GTF3C5: variants seen among roughly 807,000 people sequenced by gnomAD.
GTF3C5 encodes the protein general transcription factor 3C polypeptide 5.
GTF3C5 carries 47 observed loss-of-function variants against 61.0 expected under a neutral mutation model. The observed-to-expected ratio is 0.77, with a 90% CI of 0.61 to 0.98. GTF3C5 has a LOEUF of 0.98. GTF3C5 is among the 50% of genes least tolerant of loss of function. The pLI, the probability that GTF3C5 is intolerant of heterozygous loss-of-function variation, is 0.00. For missense variants in GTF3C5, 659 were observed against 703.3 expected (o/e 0.94, Z 0.71); for synonymous variants, 295 against 275.4 (o/e 1.07, Z -0.71).
At position 133,056,850 on chromosome 9, in the gene GTF3C5, C is replaced by G. The variant is rs779172567; in HGVS notation, c.1335C>G (p.Asp445Glu). The change falls in exon 10 of 11, where the codon GAC (aspartate) becomes GAG (glutamate). Residue 445 changes from aspartate to glutamate, a missense_variant. By Grantham distance (45) the Asp-to-Glu change is conservative. Coordinates refer to ENST00000372097, the MANE Select transcript of GTF3C5 (RefSeq NM_012087.4). ...RDGWCLPKTS[D>E]ELRDTMSLMI... Reference sequence around the variant, plus strand: ...GGTGGTGCCTCCCCAAGACCAGCGACGAGCTCAGGGACACCATGTCCCTCA... The same window carrying G: ...GGTGGTGCCTCCCCAAGACCAGCGAGGAGCTCAGGGACACCATGTCCCTCA... 10 of 1,612,106 alleles carry G rather than the reference C, an allele frequency of 6.2e-6. No individual in the cohort carries two copies. Among genetic ancestry groups the G allele is most frequent in the Admixed American group, 5.0e-5 (3 of 59,774 alleles).
intron 3 of GTF3C5, among the ~76,000 whole-genome samples, chr9:133,045,843 GC>G (rs1850186090): frequency 6.6e-6 from 1 of 152,004 alleles, no homozygotes; most frequent in African/African-American, 2.4e-5. Context: ...CACCATATTG[GC>G]CAGGCTGGTC....
intron 1 of GTF3C5, among the ~76,000 whole-genome samples, chr9:133,031,654 G>T (rs1457557623): frequency 6.6e-6 from 1 of 152,214 alleles, no homozygotes; most frequent in Non-Finnish European, 1.5e-5. Context: ...TCTATAGAAG[G>T]GTGCATCTTG....
chr9:133,035,245 C>T (rs1265514388), intron 1 of GTF3C5, among the ~76,000 whole-genome samples: 6 of 152,146 alleles, frequency 3.9e-5, no homozygotes, highest in Non-Finnish European at 7.3e-5. Context: ...GGAATAGGTT[C>T]CCTCCAGTGC....
intron 8 of GTF3C5, chr9:133,055,779 A>C: frequency 7.4e-7 from 1 of 1,356,810 alleles, no homozygotes; most frequent in Non-Finnish European, 9.5e-7. Context: ...CACCGTTTCC[A>C]GTGGCCCCAG....
At chr9:133,056,731 G>T in intron 9 of GTF3C5, 35 bp from the exon 10 acceptor site, 1 of 1,555,818 alleles carries the variant, frequency 6.4e-7, no homozygotes, top group Non-Finnish European at 8.7e-7. Flanking sequence ...GACCCGCCCT[G>T]GGACTTTATG....
chr9:133,056,455 C>A (rs1829942466), intron 9 of GTF3C5, among the ~76,000 whole-genome samples: 1 of 152,220 alleles, frequency 6.6e-6, no homozygotes, highest in African/African-American at 2.4e-5. Flanking sequence ...GGAAAGGGCA[C>A]TCACTGGGAT....
chr9:133,030,716 A>T, upstream of GTF3C5: 1 of 526,138 alleles, frequency 1.9e-6, no homozygotes, highest in Non-Finnish European at 3.5e-6. Flanking sequence ...GTGTCTTATT[A>T]TCCTCCGGGT....
In GTF3C5 at chr9:133,050,968, A is replaced by T. The variant is rs780363147; in HGVS notation, c.758A>T (p.Glu253Val). 5 of 1,606,990 alleles carry T rather than the reference A, an allele frequency of 3.1e-6. No individual in the cohort carries two copies. The Admixed American group carries it at 5.1e-5, about 16-fold the overall frequency. ...CCCGTGGACCGGAAGGTGGAGGAGG[A>T]GCTGAGGAAGGCAAGTCCTGCGCTG... ...TNPVDRKVEE[E>V]LRKLFDIRPI... Residue 253 changes from glutamate (E) to valine (V), a missense_variant, in exon 4 of 11, where the codon GAG becomes GTG. Coordinates refer to ENST00000372097, the MANE Select transcript of GTF3C5 (RefSeq NM_012087.4).
At chr9:133,054,044 A>G (rs1298922293) in intron 6 of GTF3C5, 102 bp downstream of exon 6, 3 of 839,414 alleles carry the variant, frequency 3.6e-6, no homozygotes, top group African/African-American at 3.4e-5. Flanking sequence ...TGGAAAGAAT[A>G]AAAAAACCTT....
chr9:133,036,886 T>C lies in GTF3C5; in HGVS notation c.154-5201T>C, dbSNP rs1220314552. 4.7e-4 allele frequency among the ~76,000 whole-genome samples: 71 copies of C among 152,188 alleles called. 1 individual carries two copies. The highest frequency in any genetic ancestry group is 4.6e-3 in the Admixed American group (70 of 15,288). The stretch of plus-strand genomic sequence containing the variant: ...GTGTCCTAGGTATTTAACTTCTGGC[T>C]CTACAGATTGAAGCTTTCCCTTTGA... On this transcript the variant is annotated intron_variant, in intron 1 of 10. Transcript: ENST00000372097.
Position 133,050,871 on chromosome 9 carries a change from T to A in GTF3C5, c.661T>A (p.Phe221Ile). Residue 221 changes from phenylalanine (F) to isoleucine (I), a missense_variant, in exon 4 of 11, where the codon TTT becomes ATT. Transcript: ENST00000372097. ...RRPHNAIFVN[F>I]EDEEVPKQPL... ...CCCCCACAATGCCATCTTTGTCAACTTTGAGGATGAGGAGGTGCCCAAGCA... is the reference window on the plus strand; with the variant it reads ...CCCCCACAATGCCATCTTTGTCAACATTGAGGATGAGGAGGTGCCCAAGCA... 1 of 1,612,816 alleles carries A rather than the reference T, an allele frequency of 6.2e-7. No individual in the cohort carries two copies. The highest frequency in any genetic ancestry group is 8.5e-7 in the Non-Finnish European group (1 of 1,179,518).
At chr9:133,032,161 C>T (rs1220305094) in intron 1 of GTF3C5, among the ~76,000 whole-genome samples, 1 of 152,182 alleles carries the variant, frequency 6.6e-6, no homozygotes, top group Non-Finnish European at 1.5e-5. Context: ...CTCCTGAGCT[C>T]AGGTGATCCA....
chr9:133,037,101 T>TG (rs1741440752), intron 1 of GTF3C5, among the ~76,000 whole-genome samples: 1 of 152,068 alleles, frequency 6.6e-6, no homozygotes, highest in Admixed American at 6.6e-5. Context: ...TGTGAAGTCT[T>TG]GGGGGAGAAC....
intron 1 of GTF3C5, among the ~76,000 whole-genome samples, chr9:133,034,145 T>G (rs1849804863): frequency 6.6e-6 from 1 of 152,180 alleles, no homozygotes; most frequent in Admixed American, 6.5e-5. Context: ...TACACCGCAG[T>G]GGCTTACAAT....
intron 3 of GTF3C5, among the ~76,000 whole-genome samples, chr9:133,044,874 G>A (rs1022540621): frequency 1.3e-5 from 2 of 151,038 alleles, no homozygotes; most frequent in African/African-American, 4.9e-5. Flanking sequence ...CCACATGGAC[G>A]TGACTCATAG....
At chr9:133,048,383 G>C (rs1212675880) in intron 3 of GTF3C5, among the ~76,000 whole-genome samples, 1 of 152,086 alleles carries the variant, frequency 6.6e-6, no homozygotes, top group African/African-American at 2.4e-5. Flanking sequence ...TGTAGTCCCA[G>C]CTATTTGGGA....
intron 3 of GTF3C5, among the ~76,000 whole-genome samples, chr9:133,047,880 T>G (rs984319512): frequency 1.3e-5 from 2 of 152,208 alleles, no homozygotes; most frequent in Admixed American, 6.5e-5. Flanking sequence ...ATTCCAGCAC[T>G]TTGAGAGGCT....
In GTF3C5 at chr9:133,042,805, G is replaced by A. The variant is rs1000258627; in HGVS notation, c.373+499G>A. ...AAGCAATAAAGCAAGGGAGGGAGACGGGTGAGAAAGACAGACTCTGGCATT... is the reference window on the plus strand; with the variant it reads ...AAGCAATAAAGCAAGGGAGGGAGACAGGTGAGAAAGACAGACTCTGGCATT... On this transcript the variant is annotated intron_variant, in intron 2 of 10. Transcript: ENST00000372097. Among the ~76,000 whole-genome samples, 7 of 152,194 alleles carry A rather than the reference G, an allele frequency of 4.6e-5. No homozygotes were observed. In the East Asian group the frequency reaches 5.8e-4, roughly 13 times the overall value.
In GTF3C5 at chr9:133,057,893, G is replaced by A. The variant is rs1189492632; in HGVS notation, c.1473G>A (p.Glu491=). 1.9e-6 allele frequency: 3 copies of A among 1,605,020 alleles called. No individual in the cohort carries two copies. The highest frequency in any genetic ancestry group is 2.6e-6 in the Non-Finnish European group (3 of 1,173,378). ...TYESGEDEED[E]EEEEEEEEDF... ...AGTCTGGGGAAGACGAGGAGGATGA[G>A]GAGGAGGAGGAAGAGGAGGAGGAGG... Residue 491 remains glutamate, a synonymous_variant, in exon 11 of 11, where the codon GAG becomes GAA. Coordinates refer to ENST00000372097, the MANE Select transcript of GTF3C5 (RefSeq NM_012087.4).
Sources: gnomAD v4.1 joint callset for allele counts (sites outside exome capture counted in the v4.1 genomes callset) on GRCh38, gnomAD v4.1.1 for gene constraint, MANE v1.5 for transcripts, NCBI Gene and HGNC (gene_info 2026-07-23, HGNC 2026-07-21) for gene names.